ELMO1: variants seen among roughly 807,000 people sequenced by gnomAD.
ELMO1 encodes the protein engulfment and cell motility protein 1.
Under a neutral mutation model 98.9 loss-of-function variants are expected in ELMO1, and 26 were observed. That is an observed-to-expected ratio of 0.26 (90% CI 0.19 to 0.36). The LOEUF (loss-of-function observed/expected upper bound fraction) is 0.36. Among genes scored for constraint, ELMO1 ranks in the 10% least tolerant of loss-of-function variants. The pLI, the probability that ELMO1 is intolerant of heterozygous loss-of-function variation, is 1.00. For synonymous variants in ELMO1, 346 were observed against 346.0 expected (o/e 1.00, Z 0.00); for missense variants, 627 against 935.2 (o/e 0.67, Z 4.30).
chr7:37,080,992 G>T (rs1797838873), intron 15 of ELMO1, among the ~76,000 whole-genome samples: 1 of 152,006 alleles, frequency 6.6e-6, no homozygotes, highest in Non-Finnish European at 1.5e-5. Context: ...CTTTTCTGCT[G>T]CATTTTTCTC....
intron 1 of ELMO1, among the ~76,000 whole-genome samples, chr7:37,415,411 C>T (rs1804170716): frequency 6.6e-6 from 1 of 152,172 alleles, no homozygotes; most frequent in Non-Finnish European, 1.5e-5. Context: ...GGTTTAAGAG[C>T]ATAGTTCCAG....
intron 16 of ELMO1, among the ~76,000 whole-genome samples, chr7:36,999,841 C>T (rs1054384309): frequency 7.2e-5 from 11 of 152,170 alleles, no homozygotes; most frequent in African/African-American, 2.7e-4. Context: ...GGAGCAAAGG[C>T]TGAGGCTGCA....
intron 16 of ELMO1, among the ~76,000 whole-genome samples, chr7:36,960,209 A>G (rs532477830): frequency 1.3e-5 from 2 of 152,234 alleles, no homozygotes; most frequent in African/African-American, 4.8e-5. Flanking sequence ...CCACACAGGT[A>G]ATAACTTTAT....
At chr7:36,959,895 G>T (rs1788799711) in intron 16 of ELMO1, among the ~76,000 whole-genome samples, 1 of 152,102 alleles carries the variant, frequency 6.6e-6, no homozygotes, top group African/African-American at 2.4e-5. Context: ...TGGCCAGGCT[G>T]GTCTTGAACT....
intron 16 of ELMO1, among the ~76,000 whole-genome samples, chr7:37,012,469 T>C (rs963334206): frequency 6.6e-6 from 1 of 152,166 alleles, no homozygotes; most frequent in African/African-American, 2.4e-5. Flanking sequence ...TGGTCATGGG[T>C]GATGGGCCTG....
chr7:37,132,551 T>C (rs1004836600), intron 14 of ELMO1, among the ~76,000 whole-genome samples: 12 of 152,326 alleles, frequency 7.9e-5, no homozygotes, highest in East Asian at 3.9e-4. Flanking sequence ...TTATTCTCCA[T>C]GCCAGCAATG....
rs886155222 is a variant in ELMO1, at chr7:37,330,975, G to A, written c.78+11638C>T. ...CTAACAAATGGGAAGTGTCTATAGC[G>A]TGCATATGCTGGACAAAGGGGTGCT... is the stretch of plus-strand genomic sequence containing the variant. On this transcript the variant is annotated intron_variant, in intron 2 of 21. Coordinates refer to ENST00000310758, the MANE Select transcript of ELMO1 (RefSeq NM_014800.11). Among the ~76,000 whole-genome samples, 9 of 152,282 alleles carry A rather than the reference G, an allele frequency of 5.9e-5. 1 individual carries two copies. Among genetic ancestry groups the A allele is most frequent in the South Asian group, 4.1e-4 (2 of 4,828 alleles).
chr7:36,945,535 T>G (rs1228019566), intron 16 of ELMO1, among the ~76,000 whole-genome samples: 1 of 152,196 alleles, frequency 6.6e-6, no homozygotes, highest in Non-Finnish European at 1.5e-5. Flanking sequence ...TCAATCAGCT[T>G]TATTAGAGTT....
intron 15 of ELMO1, among the ~76,000 whole-genome samples, chr7:37,089,887 C>G (rs963596936): frequency 6.6e-6 from 1 of 152,200 alleles, no homozygotes; most frequent in Non-Finnish European, 1.5e-5. Flanking sequence ...GTATGTTATA[C>G]TAATGGGTAA....
chr7:36,977,625 A>G (rs1584468707), intron 16 of ELMO1, among the ~76,000 whole-genome samples: 1 of 152,378 alleles, frequency 6.6e-6, no homozygotes, highest in South Asian at 2.1e-4. Flanking sequence ...TGGTCCGCCC[A>G]GGTTTCTCCT....
At chr7:37,348,719 A>T (rs1429506388) in intron 1 of ELMO1, among the ~76,000 whole-genome samples, 2 of 152,062 alleles carry the variant, frequency 1.3e-5, no homozygotes, top group African/African-American at 4.8e-5. Flanking sequence ...CTAGAAACTC[A>T]TCTCTCTACA....
chr7:37,443,119 C>T (rs1805475582), intron 1 of ELMO1, among the ~76,000 whole-genome samples: 1 of 152,170 alleles, frequency 6.6e-6, no homozygotes, highest in South Asian at 2.1e-4. Context: ...GATCCTATGA[C>T]TCCACCTCCA....
At position 37,203,408 on chromosome 7, in the gene ELMO1, A is replaced by C. The variant is rs139553151; in HGVS notation, c.1086+7978T>G. Among the ~76,000 whole-genome samples, 498 of 152,330 alleles carry C rather than the reference A, an allele frequency of 3.3e-3. 1 individual carries two copies. Among genetic ancestry groups the C allele is most frequent in the African/African-American group, 0.011 (454 of 41,570 alleles). On this transcript the variant is annotated intron_variant, in intron 13 of 21. Transcript: ENST00000310758. ...AGTGATGTCTTTTGTCCTCACTTAT[A>C]TGAATAGGAAGGATACAATTTCTGA...
chr7:37,130,020 C>G (rs1786801348), intron 14 of ELMO1, among the ~76,000 whole-genome samples: 1 of 152,142 alleles, frequency 6.6e-6, no homozygotes, highest in South Asian at 2.1e-4. Flanking sequence ...CCATCTCTTC[C>G]CTTCACCTAG....
intron 4 of ELMO1, among the ~76,000 whole-genome samples, chr7:37,292,088 C>T (rs1230114439): frequency 8.0e-6 from 1 of 125,650 alleles, no homozygotes; most frequent in Non-Finnish European, 1.9e-5. Context: ...CCTGCGATTG[C>T]AGGCGCGCAC....
intron 16 of ELMO1, among the ~76,000 whole-genome samples, chr7:36,944,118 G>A (rs775322647): frequency 1.3e-5 from 2 of 152,140 alleles, no homozygotes; most frequent in Admixed American, 6.5e-5. Context: ...ATCTTAGAAC[G>A]TTACATAGAT....
intron 15 of ELMO1, among the ~76,000 whole-genome samples, chr7:37,031,974 T>C (rs765717089): frequency 6.6e-6 from 1 of 152,212 alleles, no homozygotes; most frequent in East Asian, 1.9e-4. Flanking sequence ...AAAATAAGCA[T>C]GTAAGTGTGT....
chr7:37,229,989 ACAT>A (rs1236394415), intron 8 of ELMO1, among the ~76,000 whole-genome samples: 3 of 152,160 alleles, frequency 2.0e-5, no homozygotes, highest in African/African-American at 7.2e-5. Flanking sequence ...GCCATTGCTC[ACAT>A]CATTTAAAGA....
chr7:37,056,363 C>T (rs1244298428), intron 15 of ELMO1, among the ~76,000 whole-genome samples: 2 of 152,166 alleles, frequency 1.3e-5, no homozygotes, highest in Non-Finnish European at 1.5e-5. Flanking sequence ...TCTTGGAGCA[C>T]CATCCTTTAG....
Sources: gnomAD v4.1 joint callset for allele counts (sites outside exome capture counted in the v4.1 genomes callset) on GRCh38, gnomAD v4.1.1 for gene constraint, MANE v1.5 for transcripts, NCBI Gene and HGNC (gene_info 2026-07-23, HGNC 2026-07-21) for gene names.